The following TTC17 variants were observed in gnomAD, a reference collection of about 807,000 sequenced individuals.
TTC17 encodes the protein tetratricopeptide repeat domain 17, also known as tetratricopeptide repeat protein 17.
TTC17 carries 58 observed loss-of-function variants against 143.8 expected under a neutral mutation model. The ratio of observed to expected loss-of-function variants is 0.40; its 90% confidence interval spans 0.33 to 0.50. The LOEUF is 0.50. Among genes scored for constraint, TTC17 ranks in the 20% least tolerant of loss-of-function variants. The pLI is 0.49. For synonymous variants in TTC17, 501 were observed against 497.8 expected, an observed-to-expected ratio of 1.01 and a Z score of -0.09; for missense variants, 1,273 against 1,392.5, an observed-to-expected ratio of 0.91 and a Z score of 1.37.
intron 16 of TTC17, among the ~76,000 whole-genome samples, chr11:43,433,374 A>G (rs1299168417): frequency 6.6e-6 from 1 of 152,174 alleles, no homozygotes; most frequent in Non-Finnish European, 1.5e-5. Flanking sequence ...TGTAGCTTTT[A>G]TGTGATCATT....
rs1241125217 is a variant in TTC17, at chr11:43,366,934, G to A, written c.159+7821G>A. Among the ~76,000 whole-genome samples the A allele has an allele frequency of 6.6e-5, 10 of 152,096 alleles. No homozygotes were observed. The East Asian group carries it at 1.9e-3, about 29-fold the overall frequency. ...ACTCGAGTCTAGCTGAGTCATACTC[G>A]TCATAATATAAACATCATTTTCTCA... On this transcript the variant is annotated intron_variant, in intron 1 of 23. Transcript: ENST00000039989.
chr11:43,484,017 C>T (rs538131429), intron 21 of TTC17, among the ~76,000 whole-genome samples: 3 of 152,240 alleles, frequency 2.0e-5, no homozygotes, highest in African/African-American at 7.2e-5. Context: ...TGGTGCAGCC[C>T]TGTAATCCCA....
intron 15 of TTC17, among the ~76,000 whole-genome samples, chr11:43,411,619 G>A (rs372433957): frequency 7.2e-5 from 11 of 152,134 alleles, no homozygotes; most frequent in African/African-American, 2.2e-4. Context: ...TTATTTTTTC[G>A]TTCAAGGGAT....
rs577480080 is a variant in TTC17 at position 43,454,306 on chromosome 11, T to C, written c.3030+3041T>C. Among the ~76,000 whole-genome samples the C allele has an allele frequency of 8.5e-5, 13 of 152,088 alleles. No homozygotes were observed. In the South Asian group the frequency reaches 2.1e-3, roughly 24 times the overall value. On this transcript the variant is annotated intron_variant, in intron 21 of 23. Transcript: ENST00000039989. ...AACAGAATATAGCCCAAAAAAAGTATGAAGGAAGGGAGAGTAATGGTATTA... is the reference window on the plus strand; with the variant it reads ...AACAGAATATAGCCCAAAAAAAGTACGAAGGAAGGGAGAGTAATGGTATTA...
chr11:43,451,376 G>A (rs1947654846), intron 21 of TTC17, 111 bp downstream of exon 21: 2 of 884,592 alleles, frequency 2.3e-6, no homozygotes, highest in Admixed American at 4.1e-5. Flanking sequence ...TTAGCACTTG[G>A]TGGCTAAAAG....
At chr11:43,469,686 C>T (rs896189324) in intron 21 of TTC17, among the ~76,000 whole-genome samples, 9 of 152,210 alleles carry the variant, frequency 5.9e-5, no homozygotes, top group Admixed American at 2.0e-4. Flanking sequence ...GTGATTACTT[C>T]GTGGGGGAAG....
chr11:43,436,197 A>G, intron 16 of TTC17: 2 of 1,449,092 alleles, frequency 1.4e-6, no homozygotes, highest in South Asian at 3.0e-5. Flanking sequence ...GACAACAGCC[A>G]TGACAAACAG....
intron 16 of TTC17, among the ~76,000 whole-genome samples, chr11:43,438,645 G>A (rs1242258889): frequency 6.6e-6 from 1 of 152,188 alleles, no homozygotes; most frequent in African/African-American, 2.4e-5. Flanking sequence ...GGAGGAAGAT[G>A]TTGTCGGTCA....
At chr11:43,482,197 ATTTC>A in intron 21 of TTC17, among the ~76,000 whole-genome samples, 1 of 149,274 alleles carries the variant, frequency 6.7e-6, no homozygotes, top group Non-Finnish European at 1.5e-5. Flanking sequence ...TATCTTTGTA[ATTTC>A]CTTGTCTTCC....
intron 1 of TTC17, among the ~76,000 whole-genome samples, chr11:43,369,446 GT>G (rs1215043335): frequency 3.9e-5 from 6 of 152,240 alleles, no homozygotes; most frequent in Admixed American, 3.9e-4. Flanking sequence ...AAATGAGAAG[GT>G]AAAATCCAGT....
At chr11:43,478,918 C>T (rs11604841) in intron 21 of TTC17, among the ~76,000 whole-genome samples, 47,888 of 152,026 alleles carry the variant, frequency 0.31, 8,618 homozygotes, top group African/African-American at 0.48. Flanking sequence ...TGTGAGCCAC[C>T]GCACCCAGCC....
chr11:43,369,179 T>C (rs1318362576), intron 1 of TTC17, among the ~76,000 whole-genome samples: 2 of 152,232 alleles, frequency 1.3e-5, no homozygotes, highest in African/African-American at 2.4e-5. Context: ...CCTGGTGACA[T>C]GAATTAGAAA....
chr11:43,489,504 G>C (rs781738463), intron 21 of TTC17, among the ~76,000 whole-genome samples: 1 of 152,094 alleles, frequency 6.6e-6, no homozygotes, highest in Non-Finnish European at 1.5e-5. Flanking sequence ...TTGGGAGGCC[G>C]AAGTGTGCAG....
At chr11:43,419,479 A>G (rs908479422) in intron 16 of TTC17, among the ~76,000 whole-genome samples, 7 of 152,182 alleles carry the variant, frequency 4.6e-5, no homozygotes, top group Admixed American at 1.3e-4. Context: ...GTAGATTTGT[A>G]ACTTGCAGCT....
chr11:43,361,978 CTT>C (rs35924919), intron 1 of TTC17, among the ~76,000 whole-genome samples: 29 of 134,904 alleles, frequency 2.1e-4, no homozygotes, highest in Admixed American at 3.7e-4. Flanking sequence ...ATCATTATAA[CTT>C]TTTTTTTTTT....
At chr11:43,363,213 T>A (rs1590297829) in intron 1 of TTC17, among the ~76,000 whole-genome samples, 2 of 152,358 alleles carry the variant, frequency 1.3e-5, no homozygotes, top group South Asian at 4.1e-4. Context: ...TTGTGTTGTT[T>A]CATTTTGATG....
chr11:43,397,536 T>G (rs144311016), intron 7 of TTC17, 45 bp downstream of exon 7: 1 of 1,438,288 alleles, frequency 7.0e-7, no homozygotes, highest in East Asian at 2.3e-5. Context: ...GTTGCCACTT[T>G]CTTTTTTTTT....
chr11:43,391,670 C>T (rs1286708935), intron 4 of TTC17, 94 bp downstream of exon 4: 3 of 1,261,556 alleles, frequency 2.4e-6, no homozygotes, highest in East Asian at 2.5e-5. Context: ...TTTCTTCTCT[C>T]CTTCCTGACA....
At position 43,361,649 on chromosome 11, in the gene TTC17, A is replaced by G. The variant is rs561627661; in HGVS notation, c.159+2536A>G. On this transcript the variant is annotated intron_variant, in intron 1 of 23. Transcript: ENST00000039989. ...ATGCATGTCACTTTTGCAGCATTGT[A>G]AAGTCAAGAAATTATAAGTTGAACC... is the stretch of plus-strand genomic sequence containing the variant. 2.0e-5 allele frequency among the ~76,000 whole-genome samples: 3 copies of G among 152,362 alleles called. No individual in the cohort carries two copies. The South Asian group carries it at 6.2e-4, about 32-fold the overall frequency.
Sources: allele counts gnomAD v4.1 joint callset (sites outside exome capture counted in the v4.1 genomes callset), GRCh38; gene constraint gnomAD v4.1.1; transcripts MANE v1.5; gene names NCBI Gene and HGNC (gene_info 2026-07-23, HGNC 2026-07-21).